The following GAREM1 variants were observed in gnomAD, a reference collection of about 807,000 sequenced individuals.
GAREM1 encodes the protein GRB2 associated regulator of MAPK1 subtype 1.
In GAREM1, 26 loss-of-function variants were observed where a neutral mutation model predicts 71.3. The ratio of observed to expected loss-of-function variants is 0.36; its 90% CI spans 0.27 to 0.51. The LOEUF (loss-of-function observed/expected upper bound fraction) is 0.51, where lower values mean the gene tolerates loss of function less well. Ranked by LOEUF, GAREM1 falls within the 20% of genes least tolerant of loss-of-function variation. The pLI, the probability that GAREM1 is intolerant of heterozygous loss-of-function variation, is 0.95. For missense variants in GAREM1, 1,026 were observed against 1,103.1 expected (o/e 0.93, Z 0.99); for synonymous variants, 440 against 433.2 (o/e 1.02, Z -0.20).
intron 1 of GAREM1, among the ~76,000 whole-genome samples, chr18:32,420,119 T>A (rs554623073): frequency 2.5e-4 from 38 of 152,292 alleles, no homozygotes; most frequent in Admixed American, 2.2e-3. Context: ...TCTTTAAGAA[T>A]AAAGTTTGAA....
At chr18:32,349,511 C>G (rs2047727670) in intron 2 of GAREM1, among the ~76,000 whole-genome samples, 1 of 152,106 alleles carries the variant, frequency 6.6e-6, no homozygotes, top group Admixed American at 6.6e-5. Context: ...TGATAAGTTC[C>G]ATCTCCTACA....
chr18:32,358,155 C>A (rs140488558), intron 2 of GAREM1, among the ~76,000 whole-genome samples: 5,095 of 125,700 alleles, frequency 0.041, 128 homozygotes, highest in Middle Eastern at 0.09. Flanking sequence ...TCAATGACAT[C>A]CCACCCCACA....
chr18:32,425,793 TTC>T (rs1452073447), intron 1 of GAREM1, among the ~76,000 whole-genome samples: 10 of 152,198 alleles, frequency 6.6e-5, no homozygotes, highest in South Asian at 2.1e-4. Context: ...CTTGAACTGT[TTC>T]TCTTTCTTCA....
chr18:32,310,475 C>A, intron 2 of GAREM1, 152 bp from the exon 3 acceptor site: 1 of 609,842 alleles, frequency 1.6e-6, no homozygotes, highest in Non-Finnish European at 2.7e-6. Flanking sequence ...ATGGGAGGTT[C>A]CATTAAACTA....
intron 2 of GAREM1, among the ~76,000 whole-genome samples, chr18:32,342,817 C>T (rs1026365681): frequency 6.6e-6 from 1 of 152,330 alleles, no homozygotes; most frequent in African/African-American, 2.4e-5. Context: ...GACTTTGCAG[C>T]AAAGACAGGT....
At chr18:32,440,281 G>A (rs2048721832) in intron 1 of GAREM1, among the ~76,000 whole-genome samples, 1 of 152,098 alleles carries the variant, frequency 6.6e-6, no homozygotes, top group Admixed American at 6.6e-5. Context: ...ACTTGCTTAA[G>A]ATCACACGGC....
At chr18:32,327,164 TG>T (rs2047482070) in intron 2 of GAREM1, among the ~76,000 whole-genome samples, 1 of 152,216 alleles carries the variant, frequency 6.6e-6, no homozygotes, top group Non-Finnish European at 1.5e-5. Context: ...ATTTTGTGGC[TG>T]TAAATTTTTA....
At chr18:32,270,493 G>A in intron 4 of GAREM1, 110 bp from the exon 5 acceptor site, 1 of 850,630 alleles carries the variant, frequency 1.2e-6, no homozygotes, top group Non-Finnish European at 1.8e-6. Context: ...TAACAGCAGG[G>A]TGTAAGCATG....
chr18:32,365,836 T>C (rs557057840), intron 2 of GAREM1, among the ~76,000 whole-genome samples: 5 of 152,344 alleles, frequency 3.3e-5, no homozygotes, highest in African/African-American at 1.2e-4. Flanking sequence ...CTTTTCATTA[T>C]GAGTTACACT....
chr18:32,357,625 T>C (rs2047819195), intron 2 of GAREM1, among the ~76,000 whole-genome samples: 1 of 152,246 alleles, frequency 6.6e-6, no homozygotes, highest in Non-Finnish European at 1.5e-5. Flanking sequence ...CTCCCAGGCA[T>C]GCCTGAGTTA....
chr18:32,407,378 A>G (rs2048375075), intron 1 of GAREM1, among the ~76,000 whole-genome samples: 1 of 152,228 alleles, frequency 6.6e-6, no homozygotes, highest in African/African-American at 2.4e-5. Flanking sequence ...GGTTGCAGTG[A>G]GCCAAGATCG....
intron 1 of GAREM1, chr18:32,413,354 A>T (rs982818458): frequency 1.5e-6 from 1 of 689,624 alleles, no homozygotes. Context: ...TGAAAGAAAC[A>T]AAGACTCATA....
In GAREM1 at chr18:32,463,152, A is replaced by G. The variant is rs141574963; in HGVS notation, c.121+7156T>C. 1.1e-3 allele frequency among the ~76,000 whole-genome samples: 174 copies of G among 151,376 alleles called. 2 individuals are homozygous for G. In the East Asian group the frequency reaches 0.027, roughly 23 times the overall value. ...ATTAGCCTGATTTGATCATTGCATAATGTGTACATATACTGAAATGCCACA... is the reference window on the plus strand; with the variant it reads ...ATTAGCCTGATTTGATCATTGCATAGTGTGTACATATACTGAAATGCCACA... On this transcript the variant is annotated intron_variant, in intron 1 of 5. Transcript: ENST00000269209.
At chr18:32,299,754 A>G (rs1013819365) in intron 3 of GAREM1, among the ~76,000 whole-genome samples, 1 of 152,154 alleles carries the variant, frequency 6.6e-6, no homozygotes, top group Admixed American at 6.5e-5. Context: ...CTAAGACTCC[A>G]TTAAACGTGA....
intron 1 of GAREM1, 143 bp from the exon 2 acceptor site, chr18:32,393,178 TTG>T (rs2048219575): frequency 3.4e-5 from 24 of 701,784 alleles, no homozygotes; most frequent in Admixed American, 2.6e-4. Context: ...TACCTCTGAA[TTG>T]TTTTTTTTTT....
intron 1 of GAREM1, among the ~76,000 whole-genome samples, chr18:32,457,529 G>C (rs12962494): frequency 0.17 from 26,150 of 151,484 alleles, 2,413 homozygotes; most frequent in Admixed American, 0.24. Context: ...TCCCAATTGA[G>C]TCAAGGGGAA....
At position 32,287,098 on chromosome 18, in the gene GAREM1, A is replaced by C. The variant is rs145513924; in HGVS notation, c.1499T>G (p.Leu500Arg). The change falls in exon 4 of 6, where the codon CTG becomes CGG. Residue 500 changes from leucine (L) to arginine (R), a missense_variant. Transcript: ENST00000269209. This position sits in a 1 kb window ranked among gnomAD's most constrained non-coding sequence, Gnocchi z 5.9. ...ATCTGAAGACTTCACTGCTGCTCCC[A>C]GAGTCCCAGGGATGGGAAGAGGAGA... The part of the protein sequence containing the change: ...ATSPLPIPGT[L>R]GAAVKSSDTA... 1 of 1,614,070 alleles carries C rather than the reference A, an allele frequency of 6.2e-7. No homozygotes were observed. Among genetic ancestry groups the C allele is most frequent in the African/African-American group, 1.3e-5 (1 of 75,074 alleles).
At chr18:32,457,172 G>T (rs2048897855) in intron 1 of GAREM1, among the ~76,000 whole-genome samples, 1 of 135,678 alleles carries the variant, frequency 7.4e-6, no homozygotes, top group Non-Finnish European at 1.6e-5. Context: ...ATTGTGTGTG[G>T]GGGGTGGGGG....
intron 4 of GAREM1, among the ~76,000 whole-genome samples, chr18:32,281,218 T>C (rs1283059860): frequency 2.6e-5 from 4 of 152,184 alleles, no homozygotes; most frequent in African/African-American, 9.7e-5. Flanking sequence ...TCAGATGCAA[T>C]GCTGCACGCC....
Sources: gnomAD v4.1 joint callset for allele counts (sites outside exome capture counted in the v4.1 genomes callset) on GRCh38, gnomAD v4.1.1 for gene constraint, Gnocchi (gnomAD v3.1) non-coding constraint, MANE v1.5 for transcripts, NCBI Gene and HGNC (gene_info 2026-07-23, HGNC 2026-07-21) for gene names.